Variants in NR3C1 observed in about 807,000 individuals in gnomAD.
NR3C1 encodes the protein glucocorticoid receptor.
NR3C1 carries 14 observed loss-of-function variants against 74.0 expected under a neutral mutation model. That is an observed-to-expected ratio of 0.19 (90% CI 0.12 to 0.30). NR3C1 has a LOEUF of 0.30. NR3C1 is among the 10% of genes least tolerant of loss of function. The probability of loss-of-function intolerance (pLI) is 1.00; values close to 1 mark genes in which losing one functional copy is unlikely to be tolerated. For synonymous variants in NR3C1, 308 were observed against 332.5 expected (o/e 0.93, Z 0.80); for missense variants, 695 against 909.8 (o/e 0.76, Z 3.04).
At chr5:143,403,979 G>T, upstream of NR3C1, 1 of 984,648 alleles carries the variant, frequency 1.0e-6, no homozygotes, top group Non-Finnish European at 1.2e-6. Context: ...CAGCGGCGGG[G>T]GCCGACCTGG....
intron 1 of NR3C1, among the ~76,000 whole-genome samples, chr5:143,430,762 T>C (rs1751778448): frequency 6.6e-6 from 1 of 152,192 alleles, no homozygotes; most frequent in Admixed American, 6.5e-5. Flanking sequence ...AAATGTTTGT[T>C]GTTTAAGCCA....
chr5:143,404,372 G>A (rs1211855677), upstream of NR3C1: 12 of 984,434 alleles, frequency 1.2e-5, no homozygotes, highest in African/African-American at 1.8e-5. Flanking sequence ...CGGCGCATAC[G>A]TACTTTGGGC....
intron 7 of NR3C1, among the ~76,000 whole-genome samples, chr5:143,285,139 A>T (rs1053462915): frequency 1.3e-5 from 2 of 151,824 alleles, no homozygotes; most frequent in East Asian, 3.9e-4. Context: ...GCCTCCAGAA[A>T]TCTGTACAGT....
intron 2 of NR3C1, among the ~76,000 whole-genome samples, chr5:143,383,327 C>T (rs1189939498): frequency 2.0e-5 from 3 of 152,198 alleles, no homozygotes; most frequent in Non-Finnish European, 4.4e-5. Context: ...AAGGCAAGGC[C>T]ATGCTATTTG....
At chr5:143,346,744 A>C (rs1276844341) in intron 2 of NR3C1, among the ~76,000 whole-genome samples, 1 of 152,256 alleles carries the variant, frequency 6.6e-6, no homozygotes, top group Non-Finnish European at 1.5e-5. Context: ...TAACACAACT[A>C]TACTTTAAAT....
intron 1 of NR3C1, 136 bp from the exon 2 acceptor site, chr5:143,400,988 G>A: frequency 2.7e-6 from 2 of 738,508 alleles, no homozygotes; most frequent in East Asian, 2.7e-5. Context: ...TTTGTTACCA[G>A]AAGAGTAGTT....
intron 2 of NR3C1, among the ~76,000 whole-genome samples, chr5:143,338,655 C>A (rs186536849): frequency 6.6e-6 from 1 of 152,026 alleles, no homozygotes; most frequent in Admixed American, 6.6e-5. Flanking sequence ...GTGTTTTAAG[C>A]TAAGTGTTAC....
At chr5:143,397,147 C>T (rs1002752619) in intron 2 of NR3C1, among the ~76,000 whole-genome samples, 1 of 151,510 alleles carries the variant, frequency 6.6e-6, no homozygotes, top group Admixed American at 6.6e-5. Context: ...TTGCCTCTTC[C>T]CACCCCCAGA....
chr5:143,393,353 C>CA (rs1406955273), intron 2 of NR3C1, among the ~76,000 whole-genome samples: 2 of 152,150 alleles, frequency 1.3e-5, no homozygotes, highest in African/African-American at 4.8e-5. Context: ...TTTAGAAACA[C>CA]ACACACAGGT....
chr5:143,358,144 C>T (rs1831514085), intron 2 of NR3C1, among the ~76,000 whole-genome samples: 1 of 152,208 alleles, frequency 6.6e-6, no homozygotes, highest in African/African-American at 2.4e-5. Flanking sequence ...CCCATCCTCT[C>T]TTGCCAGCAG....
At chr5:143,376,570 T>G (rs1427422304) in intron 2 of NR3C1, among the ~76,000 whole-genome samples, 1 of 152,216 alleles carries the variant, frequency 6.6e-6, no homozygotes, top group Non-Finnish European at 1.5e-5. Flanking sequence ...TCTCCTCATG[T>G]TATCAGGGTT....
chr5:143,406,067 A>T (rs1841091684), upstream of NR3C1, among the ~76,000 whole-genome samples: 2 of 152,152 alleles, frequency 1.3e-5, no homozygotes, highest in African/African-American at 4.8e-5. Flanking sequence ...TACACTGCTT[A>T]AAATGATTAA....
chr5:143,402,670 T>C (rs533955061), intron 1 of NR3C1: 1 of 985,426 alleles, frequency 1.0e-6, no homozygotes, highest in South Asian at 4.7e-5. Context: ...AGTCTCCAAG[T>C]TGCGGGCTGT....
intron 1 of NR3C1, among the ~76,000 whole-genome samples, chr5:143,422,079 A>G (rs1163992448): frequency 6.6e-6 from 1 of 152,130 alleles, no homozygotes; most frequent in Non-Finnish European, 1.5e-5. Flanking sequence ...GATCTTTACT[A>G]ATACCCAGTT....
intron 2 of NR3C1, among the ~76,000 whole-genome samples, chr5:143,381,498 C>T (rs1264931764): frequency 1.3e-5 from 2 of 151,320 alleles, no homozygotes; most frequent in African/African-American, 4.9e-5. Context: ...CCATCCTGAA[C>T]AAAAAAAATA....
intron 3 of NR3C1, 72 bp downstream of exon 3, chr5:143,313,930 G>T (rs1282475795): frequency 2.9e-5 from 44 of 1,541,874 alleles, no homozygotes; most frequent in Non-Finnish European, 3.7e-5. Context: ...GCATATAATG[G>T]AAATTTCAAA....
upstream of NR3C1, chr5:143,404,528 C>G (rs1170842153): frequency 2.0e-6 from 2 of 979,800 alleles, no homozygotes; most frequent in Admixed American, 6.2e-5. Context: ...GTCCCCCACC[C>G]TCTTCCCCGA....
chr5:143,281,048 T>C lies in NR3C1; in HGVS notation c.*841A>G, dbSNP rs1289735122. ...GCAGGTCACTGGACTAGGTGCTCTA[T>C]ACCAGTTAGGACTGTTAATTTGCAC... On this transcript the variant is annotated 3_prime_UTR_variant, in exon 9 of 9. Transcript: ENST00000394464. The C allele has an allele frequency of 6.6e-6, 1 of 151,864 alleles. No individual in the cohort carries two copies. Among genetic ancestry groups the C allele is most frequent in the East Asian group, 1.9e-4 (1 of 5,182 alleles). 9.4% of individuals were successfully genotyped at this position (151,864 alleles called of 1,614,324 possible). A position where few individuals can be genotyped will look rare whatever the true frequency, so the allele number is the denominator to read the frequency against.
rs765611869 is a variant in NR3C1, at chr5:143,402,098, G to C, written c.-14+1113C>G. On this transcript the variant is annotated intron_variant, in intron 1 of 8. Coordinates refer to ENST00000394464, the MANE Select transcript of NR3C1 (RefSeq NM_000176.3). The stretch of plus-strand genomic sequence containing the variant: ...AGTGAATATGAAGGTAGAGAGAGGG[G>C]TGTGGACTTGCCACTACAAATCTTG... 1.0e-3 allele frequency among the ~76,000 whole-genome samples: 155 copies of C among 152,282 alleles called. 1 individual carries two copies. Among genetic ancestry groups the C allele is most frequent in the East Asian group, 1.7e-3 (9 of 5,184 alleles).
Sources: allele counts gnomAD v4.1 joint callset (sites outside exome capture counted in the v4.1 genomes callset), GRCh38; gene constraint gnomAD v4.1.1; transcripts MANE v1.5; gene names NCBI Gene and HGNC (gene_info 2026-07-23, HGNC 2026-07-21).